MYH8: variants seen among roughly 807,000 people sequenced by gnomAD.
The protein encoded by MYH8 is myosin heavy chain 8.
MYH8 carries 168 observed loss-of-function variants against 233.2 expected under a neutral mutation model. The observed-to-expected ratio is 0.72, with a 90% CI of 0.64 to 0.82. The LOEUF (loss-of-function observed/expected upper bound fraction) is 0.82, where lower values mean the gene tolerates loss of function less well. Among genes scored for constraint, MYH8 ranks in the 40% least tolerant of loss-of-function variants. The pLI is 0.00. For missense variants in MYH8, 1,995 were observed against 2,327.8 expected, an observed-to-expected ratio of 0.86 and a Z score of 2.94; for synonymous variants, 785 against 850.6, an observed-to-expected ratio of 0.92 and a Z score of 1.34.
rs538287135 is a variant in MYH8 at position 10,417,417 on chromosome 17, A to G, written c.511+1228T>C. 8.5e-5 allele frequency among the ~76,000 whole-genome samples: 13 copies of G among 152,248 alleles called. No homozygotes were observed. Among genetic ancestry groups the G allele is most frequent in the Non-Finnish European group, 1.8e-4 (12 of 68,040 alleles). ...TCCTATTCAGATAGATTTGTTTTCT[A>G]GTATAAGTAAAACCGTGGAAGATTA... On this transcript the variant is annotated intron_variant, in intron 5 of 39. Coordinates refer to ENST00000403437, the MANE Select transcript of MYH8 (RefSeq NM_002472.3). This position sits in a 1 kb window ranked among gnomAD's most constrained non-coding sequence, Gnocchi z 4.1.
chr17:10,406,591 T>C (rs2072196006), intron 19 of MYH8, 99 bp downstream of exon 19: 1 of 1,343,252 alleles, frequency 7.4e-7, no homozygotes, highest in Non-Finnish European at 1.1e-6. Flanking sequence ...TCTAACCTGT[T>C]GTATTATCCT....
intron 17 of MYH8, among the ~76,000 whole-genome samples, chr17:10,407,977 G>C (rs1208186582): frequency 7.0e-6 from 1 of 142,424 alleles, no homozygotes; most frequent in African/African-American, 2.6e-5. Flanking sequence ...ATCTCGCTCT[G>C]TTGCCCAGGC....
In MYH8 at chr17:10,410,888, GA is replaced by G. The variant is rs781085472; in HGVS notation, c.1475del (p.Phe492SerfsTer8). The G allele has an allele frequency of 2.3e-4, 364 of 1,614,010 alleles. 4 individuals are homozygous for G. The East Asian group carries it at 8.1e-3, about 36-fold the overall frequency. ...NFTNEKLQQFFNHHMFVLEQE... is the reference protein window; with the variant it reads ...NFTNEKLQQFXNHHMFVLEQE... ...GCTCTAGCACAAACATGTGGTGGTT[GA>G]AAAACTGTTGCAGTTTCTCGTTGGT... On this transcript the variant is annotated frameshift_variant, in exon 15 of 40. Transcript: ENST00000403437. LOFTEE classifies it high-confidence loss of function.
chr17:10,394,053 G>T (rs1597396933), intron 35 of MYH8, among the ~76,000 whole-genome samples, 196 bp downstream of exon 35: 1 of 59,902 alleles, frequency 1.7e-5, no homozygotes, highest in Non-Finnish European at 3.1e-5. Context: ...AAAGAAACAG[G>T]AACACACACC....
intron 39 of MYH8, 100 bp from the exon 40 acceptor site, chr17:10,390,703 T>C (rs1398514167): frequency 1.1e-5 from 15 of 1,367,802 alleles, no homozygotes; most frequent in Non-Finnish European, 1.6e-5. Context: ...TTCCTTCTTA[T>C]GGTCTATTTA....
Position 10,400,688 on chromosome 17 carries a change from A to G in MYH8, c.3437T>C (p.Leu1146Pro). Residue 1146 changes from leucine (L) to proline (P), a missense_variant, in exon 27 of 40, where the codon CTG becomes CCG. Transcript: ENST00000403437. The surrounding 1 kb of genome is among the most constrained non-coding windows in gnomAD (Gnocchi z 4.0). ...TTCCAGCCTCTCGCTGATCTCCTCC[A>G]GTTCCCGGGAGAGGTCAGAGCGCTG... ...EKQRSDLSRE[L>P]EEISERLEEA... 1 of 1,614,090 alleles carries G rather than the reference A, an allele frequency of 6.2e-7. No individual in the cohort carries two copies.
In MYH8 at chr17:10,418,954, A is replaced by T; in HGVS notation, c.287T>A (p.Met96Lys). Residue 96 changes from methionine (M) to lysine (K), a missense_variant, in exon 4 of 40, where the codon ATG (methionine) becomes AAG (lysine). Met to Lys is a moderately conservative substitution (Grantham distance 95). Transcript: ENST00000403437. Reference protein sequence around the residue: ...KYDKIEDMAMMTHLHEPGVLY... With the variant: ...KYDKIEDMAMKTHLHEPGVLY... Reference sequence around the variant, plus strand: ...CACTCCAGGCTCGTGTAGATGAGTCATCATGGCCATGTCCTCAATTTTGTC... The same window carrying T: ...CACTCCAGGCTCGTGTAGATGAGTCTTCATGGCCATGTCCTCAATTTTGTC... 1 of 1,613,674 alleles carries T rather than the reference A, an allele frequency of 6.2e-7. No homozygotes were observed. Among genetic ancestry groups the T allele is most frequent in the Non-Finnish European group, 8.5e-7 (1 of 1,179,848 alleles).
Position 10,420,233 on chromosome 17 carries a change from C to T in MYH8, c.-6G>A. The T allele has an allele frequency of 1.9e-6, 3 of 1,612,674 alleles. No homozygotes were observed. The highest frequency in any genetic ancestry group is 2.5e-6 in the Non-Finnish European group (3 of 1,179,974). ...GCGTCTGAGCTCGCACTCATGGCTG[C>T]GATTTATTTAGCAAAGGATTCTGCC... On this transcript the variant is annotated 5_prime_UTR_variant, in exon 3 of 40. Transcript: ENST00000403437.
At chr17:10,407,046 G>A in intron 17 of MYH8, 67 bp from the exon 18 acceptor site, 1 of 1,213,840 alleles carries the variant, frequency 8.2e-7, no homozygotes, top group South Asian at 1.2e-5. Context: ...GTAATTATAT[G>A]GAATGAACCT....
At chr17:10,403,323 C>A (rs1366041389) in intron 22 of MYH8, among the ~76,000 whole-genome samples, 1 of 152,046 alleles carries the variant, frequency 6.6e-6, no homozygotes, top group Non-Finnish European at 1.5e-5. Flanking sequence ...TGAAAGGATT[C>A]AAATAAAAAT....
chr17:10,401,843 T>G (rs1170285258), intron 22 of MYH8, 58 bp from the exon 23 acceptor site: 1 of 1,609,044 alleles, frequency 6.2e-7, no homozygotes, highest in Non-Finnish European at 8.5e-7. Flanking sequence ...AACTTGGTGT[T>G]TTTTTTGCGC....
At position 10,403,420 on chromosome 17, in the gene MYH8, G is replaced by T. The variant is rs370375419; in HGVS notation, c.2688+910C>A. On this transcript the variant is annotated intron_variant, in intron 22 of 39. Transcript: ENST00000403437. ...TGTTTTGTTCTTGAGTTTAAAAAAC[G>T]TTTAAATGGAATATAATGGGAACTT... 2.6e-5 allele frequency among the ~76,000 whole-genome samples: 4 copies of T among 151,992 alleles called. No homozygotes were observed. In the East Asian group the frequency reaches 7.7e-4, roughly 29 times the overall value.
Position 10,398,487 on chromosome 17 carries a change from C to G in MYH8, c.4135G>C (p.Glu1379Gln), listed in dbSNP as rs749792075. ...TCTGTGCGCTGGATGGCATCCGTCTCGTATTTGGTTCTCCACTGGGCAACC... is the reference window on the plus strand; with the variant it reads ...TCTGTGCGCTGGATGGCATCCGTCTGGTATTTGGTTCTCCACTGGGCAACC... ...SEVAQWRTKY[E>Q]TDAIQRTEEL... Residue 1379 changes from glutamate to glutamine, a missense_variant, in exon 30 of 40, where the codon GAG (glutamate) becomes CAG (glutamine). Glu to Gln is a conservative substitution (Grantham distance 29, BLOSUM62 2). Coordinates refer to ENST00000403437, the MANE Select transcript of MYH8 (RefSeq NM_002472.3). The G allele has an allele frequency of 6.2e-7, 1 of 1,614,018 alleles. No homozygotes were observed. Among genetic ancestry groups the G allele is most frequent in the Admixed American group, 1.7e-5 (1 of 60,018 alleles).
Position 10,393,156 on chromosome 17 carries a change from G to A in MYH8, c.5221C>T (p.Gln1741Ter). Reference sequence around the variant, plus strand: ...TGGATTACTTCTTCCACTTCACTTTGGAGTTGGGAAACGTCATTTTCTAAT... The same window carrying A: ...TGGATTACTTCTTCCACTTCACTTTAGAGTTGGGAAACGTCATTTTCTAAT... ...KKLENDVSQL[Q>*]SEVEEVIQES... Residue 1741 changes from glutamine to a stop codon, truncating the protein, a stop_gained, in exon 36 of 40, where the codon CAA becomes TAA. Coordinates refer to ENST00000403437, the MANE Select transcript of MYH8 (RefSeq NM_002472.3). LOFTEE classifies it high-confidence loss of function. 2 of 1,614,130 alleles carry A rather than the reference G, an allele frequency of 1.2e-6. No homozygotes were observed. The highest frequency in any genetic ancestry group is 1.7e-6 in the Non-Finnish European group (2 of 1,180,018).
rs2072057427 is a variant in MYH8, at chr17:10,394,135, TATCCCCC to T, written c.5166+107_5166+113del. On this transcript the variant is annotated intron_variant, in intron 35 of 39. Transcript: ENST00000403437. ...TAATAGCAATGAGTATTTTTGAGCA[TATCCCCC>T]ATCCATGTTTACATACACATATTTA... 29 of 1,374,210 alleles carry T rather than the reference TATCCCCC, an allele frequency of 2.1e-5. No homozygotes were observed. In the East Asian group the frequency reaches 6.6e-4, roughly 31 times the overall value. 85.1% of individuals were successfully genotyped at this position (1,374,210 alleles called of 1,614,324 possible).
chr17:10,400,219 A>T lies in MYH8; in HGVS notation c.3735+171T>A, dbSNP rs537021314. Among the ~76,000 whole-genome samples, 1 of 152,308 alleles carries T rather than the reference A, an allele frequency of 6.6e-6. No homozygotes were observed. The highest frequency in any genetic ancestry group is 2.4e-5 in the African/African-American group (1 of 41,574). On this transcript the variant is annotated intron_variant, in intron 27 of 39. Coordinates refer to ENST00000403437, the MANE Select transcript of MYH8 (RefSeq NM_002472.3). This position sits in a 1 kb window ranked among gnomAD's most constrained non-coding sequence, Gnocchi z 4.0. Reference sequence around the variant, plus strand: ...CTCCATCCCCCCGCTCCAAAAAAAAATCATCTTAATCGATCATAACCAGCA... The same window carrying T: ...CTCCATCCCCCCGCTCCAAAAAAAATTCATCTTAATCGATCATAACCAGCA...
chr17:10,402,361 A>G (rs2072150892), intron 22 of MYH8, among the ~76,000 whole-genome samples: 1 of 152,224 alleles, frequency 6.6e-6, no homozygotes, highest in South Asian at 2.1e-4. Flanking sequence ...TTAATACACT[A>G]AAACCTTCCT....
intron 33 of MYH8, 73 bp from the exon 34 acceptor site, chr17:10,395,514 AC>A (rs1407739637): frequency 2.7e-6 from 4 of 1,461,828 alleles, no homozygotes; most frequent in Non-Finnish European, 3.8e-6. Context: ...CGTGAGCCAA[AC>A]TCTTGTCAAT....
Position 10,415,481 on chromosome 17 carries a change from G to T in MYH8, c.639C>A (p.Gly213=), listed in dbSNP as rs758456274. The stretch of plus-strand genomic sequence containing the variant: ...TGGCTATCAGACCTACCTGCATTTT[G>T]CCAGATTCATCCTTCTTCTTCTCTC... ...VTGEKKKDES[G]KMQGTLEDQI... Residue 213 remains glycine (G), a synonymous_variant, in exon 7 of 40, where the codon GGC becomes GGA. Coordinates refer to ENST00000403437, the MANE Select transcript of MYH8 (RefSeq NM_002472.3). This position sits in a 1 kb window ranked among gnomAD's most constrained non-coding sequence, Gnocchi z 4.1. 1.7e-5 allele frequency: 27 copies of T among 1,614,160 alleles called. No homozygotes were observed. The highest frequency in any genetic ancestry group is 4.5e-5 in the East Asian group (2 of 44,888).
Sources: allele counts gnomAD v4.1 joint callset (sites outside exome capture counted in the v4.1 genomes callset), GRCh38; gene constraint gnomAD v4.1.1; non-coding constraint Gnocchi (gnomAD v3.1); transcripts MANE v1.5; gene names NCBI Gene and HGNC (gene_info 2026-07-23, HGNC 2026-07-21).